GSG1L: variants seen among roughly 807,000 people sequenced by gnomAD.
GSG1L encodes the protein GSG1 like, also known as germ cell-specific gene 1-like protein.
Under a neutral mutation model 42.1 loss-of-function variants are expected in GSG1L, and 24 were observed. The observed-to-expected ratio is 0.57, with a 90% CI of 0.41 to 0.80. GSG1L has a LOEUF of 0.80. GSG1L is among the 30% of genes least tolerant of loss of function. The probability of loss-of-function intolerance (pLI) is 0.00; values close to 1 mark genes in which losing one functional copy is unlikely to be tolerated. For synonymous variants in GSG1L, 215 were observed against 203.5 expected, an observed-to-expected ratio of 1.06 and a Z score of -0.48; for missense variants, 445 against 472.2, an observed-to-expected ratio of 0.94 and a Z score of 0.53.
chr16:27,793,435 A>G (rs538348477), intron 6 of GSG1L, among the ~76,000 whole-genome samples: 1 of 152,298 alleles, frequency 6.6e-6, no homozygotes, highest in South Asian at 2.1e-4. Flanking sequence ...AGTCATGGAA[A>G]CCATTGCATA....
At chr16:27,867,173 C>G (rs916506149) in intron 3 of GSG1L, among the ~76,000 whole-genome samples, 65 of 152,196 alleles carry the variant, frequency 4.3e-4, no homozygotes, top group African/African-American at 1.6e-3. Context: ...GACTCATGCT[C>G]TAGGAGGAGG....
At chr16:27,826,124 C>A (rs1337202658) in intron 5 of GSG1L, among the ~76,000 whole-genome samples, 1 of 152,124 alleles carries the variant, frequency 6.6e-6, no homozygotes, top group African/African-American at 2.4e-5. Flanking sequence ...AGAGGCCTCA[C>A]GGAAGCATCC....
intron 5 of GSG1L, among the ~76,000 whole-genome samples, chr16:27,824,564 G>C (rs956699720): frequency 1.3e-5 from 2 of 150,948 alleles, no homozygotes; most frequent in African/African-American, 2.4e-5. Flanking sequence ...AAAGAAAAAA[G>C]GAAAAGAAAT....
intron 1 of GSG1L, among the ~76,000 whole-genome samples, chr16:27,969,609 A>G (rs1294662164): frequency 6.6e-6 from 1 of 152,182 alleles, no homozygotes; most frequent in African/African-American, 2.4e-5. Context: ...CCTTTTATTT[A>G]TCCATTCATC....
At chr16:27,803,034 A>T (rs188181896) in intron 6 of GSG1L, among the ~76,000 whole-genome samples, 1 of 151,840 alleles carries the variant, frequency 6.6e-6, no homozygotes, top group Admixed American at 6.6e-5. Context: ...CAAACTCCAC[A>T]CAGACAAAGC....
intron 1 of GSG1L, among the ~76,000 whole-genome samples, chr16:27,985,596 C>T (rs1477030998): frequency 6.6e-6 from 1 of 152,048 alleles, no homozygotes; most frequent in African/African-American, 2.4e-5. Context: ...GTAATCTCAG[C>T]ACTTTGGGAG....
chr16:27,814,493 G>A (rs1465957303), intron 5 of GSG1L, among the ~76,000 whole-genome samples: 4 of 152,142 alleles, frequency 2.6e-5, no homozygotes, highest in Non-Finnish European at 5.9e-5. Context: ...AGCACAGTGT[G>A]TGGCACAAAG....
intron 2 of GSG1L, among the ~76,000 whole-genome samples, chr16:27,932,725 T>C (rs1013835444): frequency 1.8e-4 from 27 of 152,088 alleles, no homozygotes; most frequent in Admixed American, 1.2e-3. Context: ...GGCCTGAACA[T>C]GTGACTTGCT....
chr16:27,876,247 C>CA (rs1327907661), intron 3 of GSG1L, among the ~76,000 whole-genome samples: 1 of 152,046 alleles, frequency 6.6e-6, no homozygotes, highest in Non-Finnish European at 1.5e-5. Context: ...GTGAAGGTGG[C>CA]AGGGGTGACT....
At chr16:27,973,367 C>T (rs139320855) in intron 1 of GSG1L, among the ~76,000 whole-genome samples, 210 of 141,956 alleles carry the variant, frequency 1.5e-3, no homozygotes, top group African/African-American at 5.0e-3. Flanking sequence ...TCACTTGAAC[C>T]CCGGAGGTGG....
chr16:27,827,244 C>A (rs1479467236), intron 5 of GSG1L, among the ~76,000 whole-genome samples: 1 of 152,226 alleles, frequency 6.6e-6, no homozygotes, highest in African/African-American at 2.4e-5. Context: ...TATATCCCCT[C>A]TCTCAAGAGG....
At chr16:27,994,930 T>C (rs1441888872) in intron 1 of GSG1L, among the ~76,000 whole-genome samples, 1 of 152,184 alleles carries the variant, frequency 6.6e-6, no homozygotes, top group African/African-American at 2.4e-5. Flanking sequence ...ACAGCTGCCA[T>C]GGATATTTTT....
chr16:27,926,092 T>C (rs1313664118), intron 2 of GSG1L, among the ~76,000 whole-genome samples: 1 of 152,110 alleles, frequency 6.6e-6, no homozygotes, highest in Non-Finnish European at 1.5e-5. Context: ...TCTTCATGAA[T>C]ACAAGATAGG....
At chr16:27,962,439 C>A (rs978631985) in intron 2 of GSG1L, among the ~76,000 whole-genome samples, 1 of 152,222 alleles carries the variant, frequency 6.6e-6, no homozygotes, top group African/African-American at 2.4e-5. Flanking sequence ...CACAGTGGGA[C>A]AACAGAGAGA....
intron 2 of GSG1L, among the ~76,000 whole-genome samples, chr16:27,922,085 CATTT>C (rs2084531284): frequency 6.8e-6 from 1 of 146,684 alleles, no homozygotes; most frequent in South Asian, 2.2e-4. Context: ...ATCAACATTT[CATTT>C]ATTTACCCTT....
chr16:27,808,658 A>T (rs2082995913), intron 5 of GSG1L, among the ~76,000 whole-genome samples: 1 of 152,176 alleles, frequency 6.6e-6, no homozygotes. Flanking sequence ...ACCTCAGGTG[A>T]TCCATCCACC....
chr16:27,998,712 A>T (rs757322977), intron 1 of GSG1L, among the ~76,000 whole-genome samples: 4 of 152,122 alleles, frequency 2.6e-5, no homozygotes, highest in Non-Finnish European at 4.4e-5. Context: ...ATTTGAGCCC[A>T]GTTCAAGGTT....
chr16:27,912,176 T>C (rs1027288975), intron 2 of GSG1L, among the ~76,000 whole-genome samples: 2 of 152,152 alleles, frequency 1.3e-5, no homozygotes, highest in Admixed American at 6.5e-5. Flanking sequence ...GCTCCCAGCA[T>C]GCCTCACAGC....
Position 27,935,798 on chromosome 16 carries a change from T to C in GSG1L, c.397+27358A>G, listed in dbSNP as rs8060889. 4.2e-3 allele frequency among the ~76,000 whole-genome samples: 629 copies of C among 150,116 alleles called. 8 individuals carry two copies. The highest frequency in any genetic ancestry group is 0.015 in the African/African-American group (598 of 40,692). On this transcript the variant is annotated intron_variant, in intron 2 of 6. Coordinates refer to ENST00000447459, the MANE Select transcript of GSG1L (RefSeq NM_001109763.2). ...TGCCAGCAACAGCCATTAGCTGCTG[T>C]AGACAGAACCGGACACAAGCATCCA... is the stretch of plus-strand genomic sequence containing the variant.
Sources: allele counts gnomAD v4.1 joint callset (sites outside exome capture counted in the v4.1 genomes callset), GRCh38; gene constraint gnomAD v4.1.1; transcripts MANE v1.5; gene names NCBI Gene and HGNC (gene_info 2026-07-23, HGNC 2026-07-21).